GRID2: variants seen among roughly 807,000 people sequenced by gnomAD.
The protein encoded by GRID2 is glutamate ionotropic receptor delta type subunit 2, also known as glutamate receptor ionotropic, delta-2.
A neutral mutation model predicts 114.8 loss-of-function variants in GRID2; 33 were observed. The ratio of observed to expected loss-of-function variants is 0.29; its 90% confidence interval spans 0.22 to 0.38. GRID2 has a LOEUF of 0.38. Among genes scored for constraint, GRID2 ranks in the 10% least tolerant of loss-of-function variants. The pLI is 1.00. For missense variants in GRID2, 1,184 were observed against 1,257.7 expected (o/e 0.94, Z 0.89); for synonymous variants, 505 against 449.9 (o/e 1.12, Z -1.55).
chr4:93,007,520 G>A lies in GRID2; in HGVS notation c.245-77475G>A, dbSNP rs1330952828. Among the ~76,000 whole-genome samples the A allele has an allele frequency of 2.6e-5, 4 of 152,040 alleles. No individual in the cohort carries two copies. The East Asian group carries it at 7.7e-4, about 29-fold the overall frequency. On this transcript the variant is annotated intron_variant, in intron 2 of 15. Transcript: ENST00000282020. ...AGCTAAGGTACCTTTCTGGCATCAA[G>A]ATTATAAAGACATAGTTTTAAACTT...
At chr4:93,234,398 G>A (rs1230886753) in intron 7 of GRID2, among the ~76,000 whole-genome samples, 1 of 152,072 alleles carries the variant, frequency 6.6e-6, no homozygotes, top group African/African-American at 2.4e-5. Flanking sequence ...GAAGGTTTCA[G>A]TTTGGGCTCC....
At chr4:92,391,505 C>A (rs1371962646) in intron 1 of GRID2, among the ~76,000 whole-genome samples, 3 of 151,932 alleles carry the variant, frequency 2.0e-5, no homozygotes, top group Non-Finnish European at 4.4e-5. Context: ...TACTGTATAT[C>A]ATGAAAATGA....
At chr4:93,697,645 G>A (rs1381068598) in intron 14 of GRID2, among the ~76,000 whole-genome samples, 1 of 151,824 alleles carries the variant, frequency 6.6e-6, no homozygotes, top group African/African-American at 2.4e-5. Flanking sequence ...AGACAGGGGA[G>A]GGGGAAAGAT....
At chr4:92,496,231 A>T (rs1369515361) in intron 1 of GRID2, among the ~76,000 whole-genome samples, 1 of 151,890 alleles carries the variant, frequency 6.6e-6, no homozygotes, top group Non-Finnish European at 1.5e-5. Flanking sequence ...ACACAATTTC[A>T]ATATATGTAC....
At chr4:92,595,470 G>A (rs1478609171) in intron 2 of GRID2, among the ~76,000 whole-genome samples, 1 of 151,884 alleles carries the variant, frequency 6.6e-6, no homozygotes, top group Non-Finnish European at 1.5e-5. Flanking sequence ...AGTTAATAGA[G>A]ATCATCTTGC....
intron 8 of GRID2, among the ~76,000 whole-genome samples, chr4:93,261,953 CA>C (rs1432717443): frequency 1.3e-5 from 2 of 151,210 alleles, no homozygotes; most frequent in Non-Finnish European, 3.0e-5. Context: ...AATACTGAAC[CA>C]AAATAGGCTC....
intron 13 of GRID2, among the ~76,000 whole-genome samples, chr4:93,590,888 T>C (rs1738198014): frequency 6.7e-6 from 1 of 150,238 alleles, no homozygotes; most frequent in South Asian, 2.2e-4. Context: ...ATGCTTGTGA[T>C]TTTTGCACAT....
intron 13 of GRID2, among the ~76,000 whole-genome samples, chr4:93,583,274 G>A (rs749324924): frequency 1.3e-5 from 2 of 152,040 alleles, no homozygotes; most frequent in African/African-American, 2.4e-5. Context: ...TATTTAACTC[G>A]CTACAGGTAT....
chr4:93,519,540 C>T (rs13125997), intron 13 of GRID2, among the ~76,000 whole-genome samples: 24,439 of 152,030 alleles, frequency 0.16, 2,587 homozygotes, highest in Middle Eastern at 0.3. Flanking sequence ...GACCAGAAAT[C>T]AAGGATCATG....
intron 14 of GRID2, among the ~76,000 whole-genome samples, chr4:93,659,559 G>A (rs1723305398): frequency 6.6e-6 from 1 of 152,150 alleles, no homozygotes; most frequent in Non-Finnish European, 1.5e-5. Context: ...TCTTAAGAAG[G>A]GATGATGAAT....
At chr4:92,611,650 G>T (rs1303490098) in intron 2 of GRID2, among the ~76,000 whole-genome samples, 1 of 151,448 alleles carries the variant, frequency 6.6e-6, no homozygotes, top group African/African-American at 2.4e-5. Context: ...GGACAGCTGT[G>T]TACTATTTCA....
chr4:92,517,542 T>G (rs998736722), intron 1 of GRID2, among the ~76,000 whole-genome samples: 4 of 151,926 alleles, frequency 2.6e-5, no homozygotes, highest in Non-Finnish European at 2.9e-5. Flanking sequence ...CTTTCAACTA[T>G]ATTGGCCTCA....
chr4:93,660,178 G>A (rs1333126233), intron 14 of GRID2, among the ~76,000 whole-genome samples: 2 of 151,952 alleles, frequency 1.3e-5, no homozygotes, highest in African/African-American at 4.8e-5. Context: ...TGTATTTCTA[G>A]CTACATTTAC....
At chr4:92,990,079 G>A (rs1485852553) in intron 2 of GRID2, among the ~76,000 whole-genome samples, 2 of 151,892 alleles carry the variant, frequency 1.3e-5, no homozygotes, top group Non-Finnish European at 2.9e-5. Flanking sequence ...ACATTTGATA[G>A]CAAACACTTG....
intron 1 of GRID2, among the ~76,000 whole-genome samples, chr4:92,473,242 A>G (rs1722130262): frequency 6.6e-6 from 1 of 151,954 alleles, no homozygotes; most frequent in Non-Finnish European, 1.5e-5. Context: ...ATTCTACTTT[A>G]TTGCTTTATT....
At chr4:93,096,384 C>T (rs1351859463) in intron 3 of GRID2, among the ~76,000 whole-genome samples, 1 of 151,930 alleles carries the variant, frequency 6.6e-6, no homozygotes, top group South Asian at 2.1e-4. Flanking sequence ...TAACATACAA[C>T]ATTAAGAAAT....
intron 2 of GRID2, among the ~76,000 whole-genome samples, chr4:92,961,560 C>CT (rs879471541): frequency 2.0e-5 from 3 of 151,140 alleles, no homozygotes; most frequent in African/African-American, 4.9e-5. Context: ...TTAGTGAGTG[C>CT]TTTTTTTCTT....
At chr4:92,357,923 A>G (rs1009930289) in intron 1 of GRID2, among the ~76,000 whole-genome samples, 55 of 151,982 alleles carry the variant, frequency 3.6e-4, no homozygotes, top group African/African-American at 1.3e-3. Context: ...ATATTTGACA[A>G]GTTTCATTAC....
chr4:92,469,194 GAA>G (rs912259437), intron 1 of GRID2, among the ~76,000 whole-genome samples: 1 of 152,022 alleles, frequency 6.6e-6, no homozygotes, highest in African/African-American at 2.4e-5. Flanking sequence ...TTTCTTTTTG[GAA>G]TTATTTTTTT....
Sources: gnomAD v4.1 joint callset for allele counts (sites outside exome capture counted in the v4.1 genomes callset) on GRCh38, gnomAD v4.1.1 for gene constraint, MANE v1.5 for transcripts, NCBI Gene and HGNC (gene_info 2026-07-23, HGNC 2026-07-21) for gene names.